Variants in RNF128 observed in about 807,000 individuals in gnomAD.
The protein encoded by RNF128 is ring finger protein 128.
A neutral mutation model predicts 26.2 loss-of-function variants in RNF128; 13 were observed. The ratio of observed to expected loss-of-function variants is 0.50; its 90% CI spans 0.32 to 0.79. RNF128 has a LOEUF of 0.79. Among genes scored for constraint, RNF128 ranks in the 30% least tolerant of loss-of-function variants. RNF128 has a pLI of 0.03. For missense variants in RNF128, 315 were observed against 349.7 expected (o/e 0.90, Z 0.79); for synonymous variants, 149 against 142.5 (o/e 1.05, Z -0.32).
At chrX:106,767,605 AG>A (rs1462045558) in intron 1 of RNF128, among the ~76,000 whole-genome samples, 2 of 111,911 alleles carry the variant, frequency 1.8e-5, no homozygotes, top group African/African-American at 6.5e-5. Flanking sequence ...CAGCCTGAGG[AG>A]AATTTGGGCT....
intron 2 of RNF128, among the ~76,000 whole-genome samples, chrX:106,776,124 TGAGAC>T (rs932547124): frequency 8.9e-6 from 1 of 112,639 alleles, no homozygotes; most frequent in African/African-American, 3.2e-5. Flanking sequence ...AACCCTAACT[TGAGAC>T]AAGAAAGATT....
chrX:106,732,318 CA>C (rs1458320494), intron 1 of RNF128, among the ~76,000 whole-genome samples: 1 of 112,017 alleles, frequency 8.9e-6, no homozygotes, highest in Non-Finnish European at 1.9e-5. Flanking sequence ...GTACGTTCTG[CA>C]TTTTGCTGGT....
chrX:106,778,492 T>C (rs1930509096), intron 2 of RNF128, among the ~76,000 whole-genome samples: 1 of 111,834 alleles, frequency 8.9e-6, no homozygotes, highest in Non-Finnish European at 1.9e-5. Flanking sequence ...CTCAAACTGG[T>C]CTTTATGTTA....
At chrX:106,697,581 G>T (rs1344682474) in intron 1 of RNF128, among the ~76,000 whole-genome samples, 1 of 111,372 alleles carries the variant, frequency 9.0e-6, no homozygotes, top group Non-Finnish European at 1.9e-5. Flanking sequence ...CTGTGCCTCC[G>T]CATCCCTTAT....
chrX:106,790,175 TC>T lies in RNF128; in HGVS notation c.888-9del, dbSNP rs758549676. 2.6e-6 allele frequency: 3 copies of T among 1,134,698 alleles called. No individual in the cohort carries two copies. The African/African-American group carries it at 5.4e-5, about 20-fold the overall frequency. The allele number at this position is 1,134,698 out of a possible 1,213,427, so 93.5% of individuals were successfully genotyped here. On this transcript the variant is annotated splice_polypyrimidine_tract_variant and intron_variant, in intron 4 of 6. Transcript: ENST00000255499. ...TTTACAACTGATAATTATGTTTTTT[TC>T]CTGAATTAGCCATATTTTCCATAAG...
intron 3 of RNF128, among the ~76,000 whole-genome samples, chrX:106,787,478 G>T (rs926567531): frequency 2.7e-5 from 3 of 110,863 alleles, no homozygotes; most frequent in Non-Finnish European, 5.7e-5. Context: ...GGAGTTTGTT[G>T]GGAGTAATAG....
At chrX:106,776,883 C>T (rs1206368096) in intron 2 of RNF128, among the ~76,000 whole-genome samples, 2 of 111,552 alleles carry the variant, frequency 1.8e-5, no homozygotes, top group Non-Finnish European at 3.8e-5. Context: ...GAACCTATAA[C>T]TTGATAATAA....
At chrX:106,769,061 T>A (rs966000250) in intron 1 of RNF128, among the ~76,000 whole-genome samples, 1 of 112,376 alleles carries the variant, frequency 8.9e-6, no homozygotes, top group African/African-American at 3.2e-5. Context: ...TCTAGTTTCA[T>A]TGCACTGTGA....
intron 1 of RNF128, among the ~76,000 whole-genome samples, chrX:106,700,901 C>T (rs1241090590): frequency 8.9e-6 from 1 of 111,971 alleles, no homozygotes; most frequent in Admixed American, 9.5e-5. Flanking sequence ...TTAACTATTG[C>T]ATTATATTAA....
At position 106,694,420 on chromosome X, in the gene RNF128, T is replaced by C. The variant is rs779908432; in HGVS notation, c.406+12T>C. ...GATGGCAAATTTTGGTAAGTAATAA[T>C]TGATTCACAAAGAGAGTTAATGTCC... On this transcript the variant is annotated intron_variant, in intron 1 of 6. Coordinates refer to the RNF128 transcript ENST00000324342. 5 of 1,154,307 alleles carry C rather than the reference T, an allele frequency of 4.3e-6. No individual in the cohort carries two copies. In the Admixed American group the frequency reaches 1.3e-4, roughly 29 times the overall value.
In RNF128 at chrX:106,764,129, AT is replaced by A. The variant is rs1281472962; in HGVS notation, c.485-8775del. On this transcript the variant is annotated intron_variant, in intron 1 of 6. Coordinates refer to ENST00000255499, the MANE Select transcript of RNF128 (RefSeq NM_194463.2). ...AGGTGCCCGCCACCACGCCCGACTA[AT>A]TTTTTTTTGTATTTTTAGAAGAGAC... is the stretch of plus-strand genomic sequence containing the variant. Among the ~76,000 whole-genome samples, 4 of 105,343 alleles carry A rather than the reference AT, an allele frequency of 3.8e-5. No individual in the cohort carries two copies. In the South Asian group the frequency reaches 1.8e-3, roughly 46 times the overall value. 91.5% of individuals were successfully genotyped at this position (105,343 alleles called of 115,157 possible). A position where few individuals can be genotyped will look rare whatever the true frequency, so the allele number is the denominator to read the frequency against.
At chrX:106,760,845 G>A (rs918879014) in intron 1 of RNF128, among the ~76,000 whole-genome samples, 11 of 111,762 alleles carry the variant, frequency 9.8e-5, no homozygotes, top group Non-Finnish European at 1.5e-4. Context: ...TTGCAGCAGT[G>A]TGGATGAACC....
At chrX:106,732,280 T>C (rs1449334490) in intron 1 of RNF128, among the ~76,000 whole-genome samples, 1 of 112,211 alleles carries the variant, frequency 8.9e-6, no homozygotes, top group East Asian at 2.8e-4. Flanking sequence ...TAATCTCTTT[T>C]TGTTCCAATA....
At chrX:106,776,443 A>G (rs181998853) in intron 2 of RNF128, among the ~76,000 whole-genome samples, 72 of 112,220 alleles carry the variant, frequency 6.4e-4, no homozygotes, top group African/African-American at 2.1e-3. Context: ...GATTAGAAGG[A>G]AATCATCTTC....
intron 1 of RNF128, among the ~76,000 whole-genome samples, chrX:106,735,017 G>A (rs1335551741): frequency 1.8e-5 from 2 of 111,982 alleles, no homozygotes; most frequent in Non-Finnish European, 3.8e-5. Flanking sequence ...GGGCAAAGTG[G>A]AACACAAGGG....
chrX:106,765,111 G>A lies in RNF128; in HGVS notation c.485-7802G>A, dbSNP rs184801655. 2.4e-3 allele frequency among the ~76,000 whole-genome samples: 265 copies of A among 111,963 alleles called. 3 individuals carry two copies. The highest frequency in any genetic ancestry group is 8.1e-3 in the African/African-American group (251 of 30,880). ...TTTTCCTTTTGTAAATGAGAACAAG[G>A]TGAGTCATTAATCTCTATCAAACTG... On this transcript the variant is annotated intron_variant, in intron 1 of 6. Coordinates refer to ENST00000255499, the MANE Select transcript of RNF128 (RefSeq NM_194463.2).
chrX:106,788,445 A>C (rs1486313252), intron 4 of RNF128, among the ~76,000 whole-genome samples: 1 of 46,573 alleles, frequency 2.1e-5, no homozygotes, highest in Non-Finnish European at 3.5e-5. Context: ...ATATTATTAT[A>C]ATTATAATAT....
At chrX:106,735,313 T>C (rs1424949173) in intron 1 of RNF128, among the ~76,000 whole-genome samples, 1 of 111,513 alleles carries the variant, frequency 9.0e-6, no homozygotes, top group Admixed American at 9.6e-5. Flanking sequence ...ATTTTGACCT[T>C]TTTTGAAAGA....
In RNF128 at chrX:106,788,360, T is replaced by C. The variant is rs1352683672; in HGVS notation, c.887+360T>C. Among the ~76,000 whole-genome samples the C allele has an allele frequency of 2.4e-3, 121 of 49,788 alleles. 2 individuals are homozygous for C. Among genetic ancestry groups the C allele is most frequent in the African/African-American group, 0.011 (109 of 10,329 alleles). 43.2% of individuals were successfully genotyped at this position (49,788 alleles called of 115,157 possible). A position where few individuals can be genotyped will look rare whatever the true frequency, so the allele number is the denominator to read the frequency against. ...TATATATAATATATATTATATACTA[T>C]ATATAATATATATTATATATTATAT... On this transcript the variant is annotated intron_variant, in intron 4 of 6. Coordinates refer to ENST00000255499, the MANE Select transcript of RNF128 (RefSeq NM_194463.2).
Sources: gnomAD v4.1 joint callset for allele counts (sites outside exome capture counted in the v4.1 genomes callset) on GRCh38, gnomAD v4.1.1 for gene constraint, MANE v1.5 for transcripts, NCBI Gene and HGNC (gene_info 2026-07-23, HGNC 2026-07-21) for gene names.